The following THRB variants were observed in gnomAD, a reference collection of about 807,000 sequenced individuals.
THRB encodes thyroid hormone receptor beta, also known as nuclear receptor subfamily 1 group A member 2.
THRB carries 12 observed loss-of-function variants against 47.8 expected under a neutral mutation model. The observed-to-expected ratio is 0.25, with a 90% CI of 0.16 to 0.41. The LOEUF is 0.41. Among genes scored for constraint, THRB ranks in the 10% least tolerant of loss-of-function variants. The probability of loss-of-function intolerance (pLI) is 1.00; values close to 1 mark genes in which losing one functional copy is unlikely to be tolerated. For missense variants in THRB, 348 were observed against 589.2 expected (o/e 0.59, Z 4.24); for synonymous variants, 218 against 212.2 (o/e 1.03, Z -0.24).
chr3:24,250,920 G>T (rs1357535814), intron 3 of THRB, among the ~76,000 whole-genome samples: 4 of 151,958 alleles, frequency 2.6e-5, no homozygotes, highest in Non-Finnish European at 4.4e-5. Flanking sequence ...AATAATTATA[G>T]CATGTGACCA....
At chr3:24,451,231 T>C (rs2072619422) in intron 1 of THRB, among the ~76,000 whole-genome samples, 1 of 137,526 alleles carries the variant, frequency 7.3e-6, no homozygotes, top group Non-Finnish European at 1.6e-5. Flanking sequence ...TACATGTACT[T>C]TTTTTTTTTT....
intron 6 of THRB, among the ~76,000 whole-genome samples, chr3:24,149,669 T>G (rs1002265326): frequency 1.1e-4 from 17 of 151,570 alleles, no homozygotes; most frequent in Admixed American, 2.6e-4. Flanking sequence ...TTCTTTTTTT[T>G]GTTTTTTCTT....
intron 8 of THRB, among the ~76,000 whole-genome samples, chr3:24,138,311 GATA>G (rs1163112756): frequency 6.6e-6 from 1 of 152,078 alleles, no homozygotes; most frequent in African/African-American, 2.4e-5. Context: ...GACCTGGGCA[GATA>G]ATAATTCAAG....
intron 3 of THRB, among the ~76,000 whole-genome samples, chr3:24,233,553 G>C (rs998986873): frequency 1.9e-5 from 1 of 52,278 alleles, no homozygotes; most frequent in African/African-American, 6.2e-5. Flanking sequence ...GAGAAAGAAA[G>C]AAAAAGGAAG....
chr3:24,127,134 G>C (rs548459256), intron 10 of THRB, among the ~76,000 whole-genome samples: 1 of 152,324 alleles, frequency 6.6e-6, no homozygotes, highest in South Asian at 2.1e-4. Flanking sequence ...TCCACACACA[G>C]AACTTAACAC....
At chr3:24,352,943 T>G (rs1396079556) in intron 1 of THRB, among the ~76,000 whole-genome samples, 3 of 152,138 alleles carry the variant, frequency 2.0e-5, no homozygotes, top group Non-Finnish European at 2.9e-5. Context: ...AAAAATGTAA[T>G]ACTATATTTC....
chr3:24,456,959 G>T (rs1305640077), intron 1 of THRB, among the ~76,000 whole-genome samples: 1 of 151,996 alleles, frequency 6.6e-6, no homozygotes, highest in Admixed American at 6.6e-5. Flanking sequence ...AAATTGTAAG[G>T]TTTGGGGCTT....
At chr3:24,412,497 T>C (rs961585734) in intron 1 of THRB, among the ~76,000 whole-genome samples, 4 of 151,806 alleles carry the variant, frequency 2.6e-5, no homozygotes, top group African/African-American at 9.7e-5. Context: ...CTCACTTCTC[T>C]TCATGTATCA....
At chr3:24,327,265 C>CA (rs397947765) in intron 2 of THRB, among the ~76,000 whole-genome samples, 1 of 147,888 alleles carries the variant, frequency 6.8e-6, no homozygotes, top group African/African-American at 2.5e-5. Flanking sequence ...GGACCCCCCC[C>CA]ACCGCCACCC....
chr3:24,175,158 T>A (rs914932256), intron 5 of THRB, among the ~76,000 whole-genome samples: 17 of 152,244 alleles, frequency 1.1e-4, no homozygotes, highest in Non-Finnish European at 1.9e-4. Context: ...CTCTTCTGCA[T>A]ATTGAGAAAC....
intron 1 of THRB, among the ~76,000 whole-genome samples, chr3:24,345,988 A>T (rs1392035929): frequency 1.3e-5 from 2 of 152,168 alleles, no homozygotes; most frequent in Non-Finnish European, 2.9e-5. Flanking sequence ...AATAAAGCAG[A>T]CCAAAACTAA....
intron 1 of THRB, among the ~76,000 whole-genome samples, chr3:24,352,127 A>G (rs1577047187): frequency 6.6e-6 from 1 of 152,140 alleles, no homozygotes; most frequent in South Asian, 2.1e-4. Context: ...GTGTCAACAG[A>G]AAAGCTAGCA....
At chr3:24,347,712 C>A (rs1420094533) in intron 1 of THRB, among the ~76,000 whole-genome samples, 3 of 150,880 alleles carry the variant, frequency 2.0e-5, no homozygotes, top group Admixed American at 2.0e-4. Flanking sequence ...CACTTCATGG[C>A]AATATTTGAA....
chr3:24,146,099 T>C (rs1479819812), intron 7 of THRB, among the ~76,000 whole-genome samples: 1 of 152,196 alleles, frequency 6.6e-6, no homozygotes, highest in Non-Finnish European at 1.5e-5. Context: ...GGAATGTCTT[T>C]ATTGCTAAAA....
chr3:24,128,372 C>T (rs1377059511), intron 9 of THRB, among the ~76,000 whole-genome samples: 1 of 152,172 alleles, frequency 6.6e-6, no homozygotes, highest in Non-Finnish European at 1.5e-5. Context: ...TCCTGACTCC[C>T]AAGGTTGTGT....
At chr3:24,221,182 G>T (rs2047123434) in intron 4 of THRB, among the ~76,000 whole-genome samples, 1 of 152,188 alleles carries the variant, frequency 6.6e-6, no homozygotes, top group South Asian at 2.1e-4. Context: ...GCAGGTGGTG[G>T]TGCCGTATAA....
chr3:24,376,523 C>G (rs1049938317), intron 1 of THRB, among the ~76,000 whole-genome samples: 27 of 152,080 alleles, frequency 1.8e-4, no homozygotes, highest in African/African-American at 6.0e-4. Context: ...GAGACCTACC[C>G]CAAACAGCTA....
At chr3:24,342,769 GA>G (rs2062760735) in intron 1 of THRB, among the ~76,000 whole-genome samples, 1 of 152,156 alleles carries the variant, frequency 6.6e-6, no homozygotes, top group African/African-American at 2.4e-5. Flanking sequence ...AAGAGAATCA[GA>G]AAAGATACAG....
Position 24,229,018 on chromosome 3 carries a change from C to A in THRB, c.-42-17G>T. On this transcript the variant is annotated splice_polypyrimidine_tract_variant and intron_variant, in intron 3 of 10. Transcript: ENST00000646209. ...TGACATCTCCTACAAGGAAAAAATA[C>A]AAAAAAAATCACAGATTATAATCTG... The A allele has an allele frequency of 1.5e-6, 2 of 1,320,198 alleles. No individual in the cohort carries two copies. The highest frequency in any genetic ancestry group is 2.2e-6 in the Non-Finnish European group (2 of 920,158). The allele number at this position is 1,320,198 out of a possible 1,614,324, so 81.8% of individuals were successfully genotyped here.
Sources: gnomAD v4.1 joint callset for allele counts (sites outside exome capture counted in the v4.1 genomes callset) on GRCh38, gnomAD v4.1.1 for gene constraint, MANE v1.5 for transcripts, NCBI Gene and HGNC (gene_info 2026-07-23, HGNC 2026-07-21) for gene names.